Variants in NOD1 observed in about 807,000 individuals in gnomAD.
NOD1 encodes nucleotide binding oligomerization domain containing 1, also known as nucleotide-binding oligomerization domain-containing protein 1.
A neutral mutation model predicts 81.2 loss-of-function variants in NOD1; 70 were observed. The observed-to-expected ratio is 0.86, with a 90% confidence interval of 0.71 to 1.05. The LOEUF (loss-of-function observed/expected upper bound fraction) is 1.05, where lower values mean the gene tolerates loss of function less well. Among genes scored for constraint, NOD1 ranks in the 50% least tolerant of loss-of-function variants. The pLI is 0.00. For missense variants in NOD1, 1,233 were observed against 1,228.0 expected, an observed-to-expected ratio of 1.00 and a Z score of -0.06; for synonymous variants, 508 against 526.9, an observed-to-expected ratio of 0.96 and a Z score of 0.49.
In NOD1 at chr7:30,425,528, T is replaced by C. The variant is rs1487432840; in HGVS notation, c.*110A>G. ...CATCATGGAGGCAGTGGACTCCTGA[T>C]AGTCCCGCCTGCGCAGGCCCCTTTA... On this transcript the variant is annotated 3_prime_UTR_variant, in exon 14 of 14. Transcript: ENST00000222823. 7.5e-6 allele frequency: 6 copies of C among 797,502 alleles called. No individual in the cohort carries two copies. The highest frequency in any genetic ancestry group is 1.3e-5 in the Non-Finnish European group (6 of 450,758). 49.4% of individuals were successfully genotyped at this position (797,502 alleles called of 1,614,324 possible).
intron 1 of NOD1, among the ~76,000 whole-genome samples, chr7:30,472,350 C>T (rs1343709581): frequency 6.6e-6 from 1 of 152,230 alleles, no homozygotes; most frequent in Non-Finnish European, 1.5e-5. Context: ...TCTCTGCATC[C>T]AGCATGATTT....
At chr7:30,426,570 G>A (rs1482562353) in intron 13 of NOD1, among the ~76,000 whole-genome samples, 1 of 152,092 alleles carries the variant, frequency 6.6e-6, no homozygotes, top group East Asian at 1.9e-4. Context: ...GAAGAGCCAA[G>A]AATTGGTCTT....
Position 30,425,431 on chromosome 7 carries a change from C to CTT in NOD1, c.*205_*206dup, listed in dbSNP as rs1448946745. On this transcript the variant is annotated 3_prime_UTR_variant, in exon 14 of 14. Coordinates refer to ENST00000222823, the MANE Select transcript of NOD1 (RefSeq NM_006092.4). ...ACTACAACAGCTCGCAAGACACATT[C>CTT]TTTTTCTGCAGAATTGTAGCGGGTA... 4 of 597,500 alleles carry CTT rather than the reference C, an allele frequency of 6.7e-6. No homozygotes were observed. Among genetic ancestry groups the CTT allele is most frequent in the Admixed American group, 3.0e-5 (1 of 33,742 alleles). The allele number at this position is 597,500 out of a possible 1,614,324, so 37.0% of individuals were successfully genotyped here.
intron 5 of NOD1, 46 bp downstream of exon 5, chr7:30,455,091 C>A: frequency 6.3e-7 from 1 of 1,591,852 alleles, no homozygotes; most frequent in Non-Finnish European, 8.6e-7. Context: ...CCCCCCAGGG[C>A]CCTGCTTGCA....
chr7:30,459,397 C>T (rs545178271), intron 2 of NOD1, among the ~76,000 whole-genome samples, 157 bp from the exon 3 acceptor site: 7 of 152,298 alleles, frequency 4.6e-5, no homozygotes, highest in Non-Finnish European at 5.9e-5. Flanking sequence ...AAATGTTCAA[C>T]GTCCCCACCA....
In NOD1 at chr7:30,478,737, G is replaced by C. The variant is rs1789058416; in HGVS notation, c.-483C>G. 1 of 152,408 alleles carries C rather than the reference G, an allele frequency of 6.6e-6. No homozygotes were observed. Among genetic ancestry groups the C allele is most frequent in the East Asian group, 1.9e-4 (1 of 5,186 alleles). 9.4% of individuals were successfully genotyped at this position (152,408 alleles called of 1,614,324 possible). A position where few individuals can be genotyped will look rare whatever the true frequency, so the allele number is the denominator to read the frequency against. ...GACGCTGCTCCCGCAGTAGCGCGAG[G>C]GAGGGGCAGGACCGGGGCGGCTGCC... On this transcript the variant is annotated 5_prime_UTR_variant, in exon 1 of 14. Coordinates refer to ENST00000222823, the MANE Select transcript of NOD1 (RefSeq NM_006092.4). This position sits in a 1 kb window ranked among gnomAD's most constrained non-coding sequence, Gnocchi z 4.1.
chr7:30,465,444 T>G (rs1179024089), intron 1 of NOD1, among the ~76,000 whole-genome samples: 1 of 152,228 alleles, frequency 6.6e-6, no homozygotes, highest in Non-Finnish European at 1.5e-5. Context: ...AGGAGCTTCA[T>G]GCTGTGCAGA....
At chr7:30,445,278 T>TA (rs55875433) in intron 9 of NOD1, among the ~76,000 whole-genome samples, 8,534 of 69,114 alleles carry the variant, frequency 0.12, 614 homozygotes, top group East Asian at 0.17. Context: ...AAAAAGAATC[T>TA]AAAAAAAAAA....
intron 4 of NOD1, among the ~76,000 whole-genome samples, chr7:30,455,707 TTC>T (rs2128065766): frequency 6.6e-6 from 1 of 152,060 alleles, no homozygotes; most frequent in African/African-American, 2.4e-5. Context: ...GTTCAAGGAA[TTC>T]TCTTTCCTCA....
intron 6 of NOD1, among the ~76,000 whole-genome samples, chr7:30,449,011 C>G (rs1306363953): frequency 6.6e-6 from 1 of 152,202 alleles, no homozygotes; most frequent in African/African-American, 2.4e-5. Context: ...ATATTTTAGG[C>G]TCTGTGGGCC....
intron 1 of NOD1, chr7:30,475,803 G>A (rs565180669): frequency 7.9e-5 from 12 of 152,352 alleles, no homozygotes; most frequent in South Asian, 4.1e-4. Flanking sequence ...ACTTTCTAGC[G>A]TGGGTAAAAA....
rs754763796 is a variant in NOD1 at position 30,452,043 on chromosome 7, G to A, written c.1374C>T (p.Asp458=). 8.7e-6 allele frequency: 14 copies of A among 1,613,514 alleles called. No homozygotes were observed. In the South Asian group the frequency reaches 1.5e-4, roughly 18 times the overall value. The change falls in exon 6 of 14, where the codon GAC becomes GAT. Residue 458 remains aspartate (D), a synonymous_variant. Transcript: ENST00000222823. ...SPVETLHAGR[D]TLCSLGQVAH... ...CCACCTGCCCCAGCGAGCACAGAGT[G>A]TCCCGGCCGGCGTGGAGGGTCTCCA...
chr7:30,448,146 A>G (rs1785301744), intron 7 of NOD1, 152 bp downstream of exon 7: 1 of 655,754 alleles, frequency 1.5e-6, no homozygotes, highest in Non-Finnish European at 2.7e-6. Context: ...CCGAGCCACA[A>G]AGAGAACCCA....
chr7:30,429,541 G>T, intron 12 of NOD1, 84 bp from the exon 13 acceptor site: 1 of 1,198,620 alleles, frequency 8.3e-7, no homozygotes, highest in Non-Finnish European at 1.2e-6. Context: ...AGGGTGTTTT[G>T]GGATAAGAGA....
At chr7:30,468,538 G>A (rs1787938089) in intron 1 of NOD1, among the ~76,000 whole-genome samples, 1 of 151,994 alleles carries the variant, frequency 6.6e-6, no homozygotes, top group South Asian at 2.1e-4. Flanking sequence ...ACACAACATG[G>A]GCTTCTCAGA....
intron 1 of NOD1, among the ~76,000 whole-genome samples, chr7:30,461,873 G>A (rs1208123500): frequency 6.6e-6 from 1 of 152,194 alleles, no homozygotes; most frequent in African/African-American, 2.4e-5. Context: ...CAAGTAGCTG[G>A]GACTACAGGC....
intron 1 of NOD1, chr7:30,463,670 G>A (rs1478836884): frequency 1.3e-5 from 2 of 152,040 alleles, no homozygotes; most frequent in Admixed American, 6.6e-5. Flanking sequence ...GACCTTGAGC[G>A]GAGATGTGCA....
At chr7:30,450,431 T>C (rs1785570160) in intron 6 of NOD1, among the ~76,000 whole-genome samples, 1 of 152,198 alleles carries the variant, frequency 6.6e-6, no homozygotes, top group Admixed American at 6.5e-5. Context: ...TAGAAATGCA[T>C]GAGTCAAGTA....
chr7:30,468,420 T>C (rs1415567162), intron 1 of NOD1, among the ~76,000 whole-genome samples: 3 of 152,194 alleles, frequency 2.0e-5, no homozygotes, highest in African/African-American at 7.2e-5. Flanking sequence ...ATGGTTATTA[T>C]TACCAAGGAA....
Sources: gnomAD v4.1 joint callset for allele counts (sites outside exome capture counted in the v4.1 genomes callset) on GRCh38, gnomAD v4.1.1 for gene constraint, Gnocchi (gnomAD v3.1) non-coding constraint, MANE v1.5 for transcripts, NCBI Gene and HGNC (gene_info 2026-07-23, HGNC 2026-07-21) for gene names.